The following CERS6 variants were observed in gnomAD, a reference collection of about 807,000 sequenced individuals.
CERS6 encodes the protein LAG1 homolog, ceramide synthase 6.
CERS6 carries 26 observed loss-of-function variants against 56.8 expected under a neutral mutation model. The ratio of observed to expected loss-of-function variants is 0.46; its 90% CI spans 0.34 to 0.63. The LOEUF (loss-of-function observed/expected upper bound fraction) is 0.63. Ranked by LOEUF, CERS6 falls within the 30% of genes least tolerant of loss-of-function variation. The pLI is 0.01. For synonymous variants in CERS6, 164 were observed against 173.3 expected, an observed-to-expected ratio of 0.95 and a Z score of 0.42; for missense variants, 415 against 467.5, an observed-to-expected ratio of 0.89 and a Z score of 1.04.
chr2:168,577,895 T>TG (rs1253723467), intron 3 of CERS6, among the ~76,000 whole-genome samples: 1 of 152,132 alleles, frequency 6.6e-6, no homozygotes, highest in East Asian at 1.9e-4. Context: ...TGCATGTGGG[T>TG]GGCAGATAGT....
At chr2:168,575,353 C>A (rs923525379) in intron 3 of CERS6, among the ~76,000 whole-genome samples, 1 of 152,014 alleles carries the variant, frequency 6.6e-6, no homozygotes, top group Non-Finnish European at 1.5e-5. Flanking sequence ...AGGAAACTTA[C>A]AATCATGGCA....
At chr2:168,656,327 G>A (rs566230601) in intron 4 of CERS6, among the ~76,000 whole-genome samples, 1 of 152,296 alleles carries the variant, frequency 6.6e-6, no homozygotes, top group East Asian at 1.9e-4. Flanking sequence ...TAACTGATGT[G>A]GTATGTGATA....
Position 168,510,758 on chromosome 2 carries a change from C to A in CERS6, c.171-36838C>A, listed in dbSNP as rs372216517. Among the ~76,000 whole-genome samples, 12 of 152,110 alleles carry A rather than the reference C, an allele frequency of 7.9e-5. No individual in the cohort carries two copies. The East Asian group carries it at 1.5e-3, about 20-fold the overall frequency. ...CTTTCTGCACCATTATCATTACTAT[C>A]ATCTTGGCCAACTTTTATTAAGGGC... On this transcript the variant is annotated intron_variant, in intron 1 of 9. Transcript: ENST00000305747.
chr2:168,496,313 G>T (rs1694467329), intron 1 of CERS6, among the ~76,000 whole-genome samples: 1 of 151,838 alleles, frequency 6.6e-6, no homozygotes, highest in African/African-American at 2.4e-5. Context: ...AAGCTATTTG[G>T]TTGACAGAGA....
chr2:168,561,238 G>A lies in CERS6; in HGVS notation c.323G>A (p.Trp108Ter). The stretch of plus-strand genomic sequence containing the variant: ...GAAGGCCTCTCCAAGCAACTGGACT[G>A]GGATGTTCGAAGCATTCAGCGCTGG... ...RLEGLSKQLD[W>*]DVRSIQRWFR... Residue 108 changes from tryptophan to a stop codon, truncating the protein, a stop_gained, in exon 3 of 10, where the codon TGG becomes TAG. Transcript: ENST00000305747. LOFTEE classifies it high-confidence loss of function. 4 of 1,614,080 alleles carry A rather than the reference G, an allele frequency of 2.5e-6. No individual in the cohort carries two copies. The highest frequency in any genetic ancestry group is 3.4e-6 in the Non-Finnish European group (4 of 1,179,914).
At chr2:168,754,893 C>T (rs898657520) in intron 8 of CERS6, among the ~76,000 whole-genome samples, 6 of 152,046 alleles carry the variant, frequency 3.9e-5, no homozygotes, top group African/African-American at 7.2e-5. Flanking sequence ...CTCCTGCCTC[C>T]GCCTCCTCAG....
chr2:168,707,389 AT>A (rs1686983958), intron 6 of CERS6, among the ~76,000 whole-genome samples: 2 of 152,260 alleles, frequency 1.3e-5, no homozygotes, highest in African/African-American at 4.8e-5. Flanking sequence ...GGAATAATTG[AT>A]TCCTTCCTGC....
At chr2:168,506,221 T>C (rs1177467233) in intron 1 of CERS6, among the ~76,000 whole-genome samples, 2 of 152,214 alleles carry the variant, frequency 1.3e-5, no homozygotes, top group African/African-American at 4.8e-5. Context: ...GTTTAAATCC[T>C]TGATGCCTGA....
intron 3 of CERS6, among the ~76,000 whole-genome samples, chr2:168,602,165 G>A (rs1469508445): frequency 6.6e-6 from 1 of 152,182 alleles, no homozygotes; most frequent in Admixed American, 6.5e-5. Flanking sequence ...AGCATTGGCC[G>A]ATTCTTTTTT....
In CERS6 at chr2:168,632,187, A is replaced by G. The variant is rs540067830; in HGVS notation, c.465+1145A>G. On this transcript the variant is annotated intron_variant, in intron 4 of 9. Transcript: ENST00000305747. The stretch of plus-strand genomic sequence containing the variant: ...AGTCGTACACATATTAACAATAGTG[A>G]TTTGGCATAACATGGGGAATTATTT... 2.0e-3 allele frequency among the ~76,000 whole-genome samples: 308 copies of G among 152,118 alleles called. 1 individual carries two copies. Among genetic ancestry groups the G allele is most frequent in the African/African-American group, 6.9e-3 (286 of 41,518 alleles).
chr2:168,582,422 A>C (rs898805217), intron 3 of CERS6, among the ~76,000 whole-genome samples: 1 of 151,910 alleles, frequency 6.6e-6, no homozygotes, highest in Non-Finnish European at 1.5e-5. Context: ...CTATCTTGTC[A>C]CCTCTGATGC....
intron 3 of CERS6, among the ~76,000 whole-genome samples, chr2:168,597,112 A>G (rs1408682892): frequency 1.3e-5 from 2 of 152,002 alleles, no homozygotes; most frequent in African/African-American, 2.4e-5. Context: ...TCAGGCCCCT[A>G]TTGACTTCAG....
intron 8 of CERS6, among the ~76,000 whole-genome samples, chr2:168,756,518 G>A (rs1008920288): frequency 1.2e-4 from 18 of 152,178 alleles, no homozygotes; most frequent in Admixed American, 3.9e-4. Flanking sequence ...GCCAAAGTGG[G>A]GAAACCACAT....
intron 3 of CERS6, among the ~76,000 whole-genome samples, chr2:168,617,460 A>T (rs1167504202): frequency 6.6e-6 from 1 of 152,238 alleles, no homozygotes; most frequent in Non-Finnish European, 1.5e-5. Context: ...ATTTGGAAAG[A>T]TAAAGAAAAT....
rs1693669128 is a variant in CERS6 at position 168,456,735 on chromosome 2, A to T, written c.170+117A>T. ...CCAACGCTCGCGTTCACGCCTCCCA[A>T]CCTTTGTGTTCGGGGAGGGGTTGCT... On this transcript the variant is annotated intron_variant, in intron 1 of 9. Coordinates refer to ENST00000305747, the MANE Select transcript of CERS6 (RefSeq NM_203463.3). The surrounding 1 kb of genome is among the most constrained non-coding windows in gnomAD (Gnocchi z 4.1). The T allele has an allele frequency of 3.9e-5, 37 of 950,088 alleles. No individual in the cohort carries two copies. The South Asian group carries it at 5.6e-4, about 14-fold the overall frequency. The allele number at this position is 950,088 out of a possible 1,614,324, so 58.9% of individuals were successfully genotyped here.
In CERS6 at chr2:168,739,052, A is replaced by ATTTTTT. The variant is rs59967315; in HGVS notation, c.845+21098_845+21103dup. ...AGGCACATGCTGCCACACCCGGCTA[A>ATTTTTT]TTTTTTTTTTTTTTTTTTTTTTTTT... On this transcript the variant is annotated intron_variant, in intron 8 of 9. Transcript: ENST00000305747. 9.1e-4 allele frequency among the ~76,000 whole-genome samples: 80 copies of ATTTTTT among 87,642 alleles called. 1 individual carries two copies. Among genetic ancestry groups the ATTTTTT allele is most frequent in the Non-Finnish European group, 1.0e-3 (53 of 50,536 alleles). The allele number at this position is 87,642 out of a possible 152,430, so 57.5% of individuals were successfully genotyped here. A position where few individuals can be genotyped will look rare whatever the true frequency, so the allele number is the denominator to read the frequency against.
intron 8 of CERS6, among the ~76,000 whole-genome samples, chr2:168,745,663 T>A (rs1684077087): frequency 6.6e-6 from 1 of 152,238 alleles, no homozygotes; most frequent in African/African-American, 2.4e-5. Context: ...TAAATGTTTG[T>A]GTTACAATTC....
intron 4 of CERS6, among the ~76,000 whole-genome samples, chr2:168,638,334 ATATACTAT>A (rs1684909760): frequency 6.6e-6 from 1 of 152,108 alleles, no homozygotes; most frequent in Non-Finnish European, 1.5e-5. Flanking sequence ...CAGACCATCT[ATATACTAT>A]TCACATTAAG....
chr2:168,594,661 C>G (rs1007376619), intron 3 of CERS6, among the ~76,000 whole-genome samples: 8 of 152,244 alleles, frequency 5.3e-5, no homozygotes, highest in African/African-American at 1.9e-4. Flanking sequence ...TGGGATACCT[C>G]CTTTCCACCC....
Sources: gnomAD v4.1 joint callset for allele counts (sites outside exome capture counted in the v4.1 genomes callset) on GRCh38, gnomAD v4.1.1 for gene constraint, Gnocchi (gnomAD v3.1) non-coding constraint, MANE v1.5 for transcripts, NCBI Gene and HGNC (gene_info 2026-07-23, HGNC 2026-07-21) for gene names.